Variants in STXBP5L observed in about 807,000 individuals in gnomAD.
The protein encoded by STXBP5L is syntaxin-binding protein 5-like.
Under a neutral mutation model 144.5 loss-of-function variants are expected in STXBP5L, and 65 were observed. That is an observed-to-expected ratio of 0.45 (90% CI 0.37 to 0.55). The LOEUF is 0.55. Ranked by LOEUF, STXBP5L falls within the 20% of genes least tolerant of loss-of-function variation. The pLI is 0.00. For synonymous variants in STXBP5L, 505 were observed against 469.6 expected, an observed-to-expected ratio of 1.08 and a Z score of -0.97; for missense variants, 1,298 against 1,405.5, an observed-to-expected ratio of 0.92 and a Z score of 1.22.
At chr3:120,980,140 A>G (rs897241992) in intron 3 of STXBP5L, among the ~76,000 whole-genome samples, 34 of 152,158 alleles carry the variant, frequency 2.2e-4, no homozygotes, top group African/African-American at 7.7e-4. Context: ...GGCCTGACAT[A>G]TGGTATATTT....
At position 121,114,070 on chromosome 3, in the gene STXBP5L, A is replaced by G. The variant is rs72956067; in HGVS notation, c.471-855A>G. Among the ~76,000 whole-genome samples, 380 of 152,280 alleles carry G rather than the reference A, an allele frequency of 2.5e-3. 2 individuals are homozygous for G. Among genetic ancestry groups the G allele is most frequent in the African/African-American group, 8.6e-3 (357 of 41,560 alleles). Reference sequence around the variant, plus strand: ...TTTATTGGTCTGTCTGACAAGAGATAACTATGAACTTATCCTCCTTCTCTT... The same window carrying G: ...TTTATTGGTCTGTCTGACAAGAGATGACTATGAACTTATCCTCCTTCTCTT... On this transcript the variant is annotated intron_variant, in intron 5 of 26. Coordinates refer to ENST00000471454, the MANE Select transcript of STXBP5L (RefSeq NM_001308330.2).
chr3:120,974,750 T>C (rs1940737892), intron 3 of STXBP5L, among the ~76,000 whole-genome samples: 1 of 152,200 alleles, frequency 6.6e-6, no homozygotes, highest in African/African-American at 2.4e-5. Flanking sequence ...CAGTTTCAGC[T>C]TTCTACATAT....
At chr3:121,044,329 A>G (rs1469501376) in intron 4 of STXBP5L, among the ~76,000 whole-genome samples, 2 of 152,056 alleles carry the variant, frequency 1.3e-5, no homozygotes, top group Non-Finnish European at 2.9e-5. Context: ...ATACATGAGC[A>G]TTTTTTTGGC....
intron 18 of STXBP5L, among the ~76,000 whole-genome samples, chr3:121,267,379 C>A (rs1207550018): frequency 2.6e-5 from 4 of 152,108 alleles, no homozygotes; most frequent in Non-Finnish European, 5.9e-5. Flanking sequence ...TGAAATTAGA[C>A]CCTTTCCTTA....
chr3:120,925,543 T>C (rs1241315182), intron 2 of STXBP5L, among the ~76,000 whole-genome samples: 6 of 152,176 alleles, frequency 3.9e-5, no homozygotes, highest in Non-Finnish European at 8.8e-5. Flanking sequence ...TTTCAGAATG[T>C]GGATTTATTG....
At chr3:121,406,815 T>C (rs1034633718) in intron 22 of STXBP5L, among the ~76,000 whole-genome samples, 3 of 152,064 alleles carry the variant, frequency 2.0e-5, no homozygotes, top group African/African-American at 7.2e-5. Flanking sequence ...TCAGTTGAAG[T>C]TATTTCAATA....
chr3:121,278,706 G>A (rs1309747092), intron 18 of STXBP5L, among the ~76,000 whole-genome samples: 1 of 151,872 alleles, frequency 6.6e-6, no homozygotes, highest in East Asian at 1.9e-4. Flanking sequence ...AAATGTAGAA[G>A]TGTAATTATC....
chr3:121,114,998 G>A lies in STXBP5L; in HGVS notation c.544G>A (p.Val182Ile), dbSNP rs1435826054. ...AACAGAAAGAGGAAATACACATATT[G>A]TAAATATTGAATCTTTCATTCTTTC... ...VGTERGNTHI[V>I]NIESFILSGY... The change falls in exon 6 of 27, where the codon GTA (valine) becomes ATA (isoleucine). Residue 182 changes from valine (V) to isoleucine (I), a missense_variant. Physicochemically the swap from Val to Ile is conservative, Grantham distance 29 (BLOSUM62 3). Coordinates refer to ENST00000471454, the MANE Select transcript of STXBP5L (RefSeq NM_001308330.2). The A allele has an allele frequency of 1.2e-6, 2 of 1,601,050 alleles. No homozygotes were observed. The highest frequency in any genetic ancestry group is 1.7e-5 in the Admixed American group (1 of 57,646).
At chr3:121,350,111 C>T (rs1387391922) in intron 20 of STXBP5L, among the ~76,000 whole-genome samples, 2 of 152,090 alleles carry the variant, frequency 1.3e-5, no homozygotes, top group Non-Finnish European at 2.9e-5. Context: ...TATTCCTTTC[C>T]ATGTTCAGTG....
intron 5 of STXBP5L, among the ~76,000 whole-genome samples, chr3:121,090,217 C>G (rs2042710054): frequency 2.0e-5 from 3 of 151,936 alleles, no homozygotes; most frequent in African/African-American, 4.8e-5. Context: ...TGACATTGGT[C>G]TGGCAGGGGA....
rs1217260963 is a variant in STXBP5L at position 121,276,186 on chromosome 3, GTTCTCAGGC to G, written c.1959-3616_1959-3608del. Among the ~76,000 whole-genome samples the G allele has an allele frequency of 5.6e-5, 8 of 143,472 alleles. No individual in the cohort carries two copies. In the South Asian group the frequency reaches 1.3e-3, roughly 24 times the overall value. 94.1% of individuals were successfully genotyped at this position (143,472 alleles called of 152,430 possible). On this transcript the variant is annotated intron_variant, in intron 18 of 26. Transcript: ENST00000471454. Reference sequence around the variant, plus strand: ...TTAGATATACTTCTTTTAGTTTTTTGTTCTCAGGCTTACAATATGTATCTTTGAATTATC... The same window carrying G: ...TTAGATATACTTCTTTTAGTTTTTTGTTACAATATGTATCTTTGAATTATC...
In STXBP5L at chr3:120,956,408, A is replaced by G. The variant is rs1348419661; in HGVS notation, c.287+1371A>G. Among the ~76,000 whole-genome samples the G allele has an allele frequency of 2.6e-5, 4 of 152,032 alleles. No individual in the cohort carries two copies. The East Asian group carries it at 7.7e-4, about 29-fold the overall frequency. On this transcript the variant is annotated intron_variant, in intron 3 of 26. Coordinates refer to ENST00000471454, the MANE Select transcript of STXBP5L (RefSeq NM_001308330.2). Reference sequence around the variant, plus strand: ...ATTTTTACTACTCTAGGTAACTTATATAAGTGAAAGCATACAGTATTCTTC... The same window carrying G: ...ATTTTTACTACTCTAGGTAACTTATGTAAGTGAAAGCATACAGTATTCTTC...
At chr3:120,949,224 A>G (rs1294275495) in intron 2 of STXBP5L, among the ~76,000 whole-genome samples, 2 of 151,850 alleles carry the variant, frequency 1.3e-5, no homozygotes, top group Non-Finnish European at 2.9e-5. Flanking sequence ...TTGTCTATTC[A>G]TGTCCTTTGC....
chr3:121,253,006 AG>A (rs2108367941), intron 15 of STXBP5L, among the ~76,000 whole-genome samples: 1 of 152,266 alleles, frequency 6.6e-6, no homozygotes, highest in East Asian at 1.9e-4. Flanking sequence ...CCCTCTTTTA[AG>A]GGGGCCATCT....
chr3:121,254,066 C>G (rs1230230629), intron 15 of STXBP5L, among the ~76,000 whole-genome samples: 1 of 152,118 alleles, frequency 6.6e-6, no homozygotes, highest in Non-Finnish European at 1.5e-5. Flanking sequence ...TTTCATGACA[C>G]TGACATTTTT....
intron 7 of STXBP5L, among the ~76,000 whole-genome samples, chr3:121,141,403 CAAAA>C (rs11441021): frequency 3.4e-5 from 5 of 146,532 alleles, no homozygotes; most frequent in Non-Finnish European, 7.6e-5. Flanking sequence ...AACTCTGTCT[CAAAA>C]AAAAAAATGT....
At chr3:120,912,583 G>A (rs893314433) in intron 2 of STXBP5L, among the ~76,000 whole-genome samples, 1 of 150,244 alleles carries the variant, frequency 6.7e-6, no homozygotes, top group Non-Finnish European at 1.5e-5. Context: ...GATGTTCAAA[G>A]TCATAGAAAT....
chr3:121,183,638 G>GAAAGAAAGAAA (rs902750147), intron 9 of STXBP5L, among the ~76,000 whole-genome samples: 2 of 150,218 alleles, frequency 1.3e-5, no homozygotes, highest in Non-Finnish European at 3.0e-5. Flanking sequence ...AGGGAGGAAG[G>GAAAGAAAGAAA]AAAGAAAGAA....
chr3:121,190,739 C>T (rs1174287635), intron 9 of STXBP5L, among the ~76,000 whole-genome samples: 3 of 151,986 alleles, frequency 2.0e-5, no homozygotes, highest in Non-Finnish European at 4.4e-5. Flanking sequence ...CCCCACCTCC[C>T]GGATGGGGCA....
Sources: gnomAD v4.1 joint callset for allele counts (sites outside exome capture counted in the v4.1 genomes callset) on GRCh38, gnomAD v4.1.1 for gene constraint, MANE v1.5 for transcripts, NCBI Gene and HGNC (gene_info 2026-07-23, HGNC 2026-07-21) for gene names.